FMN1: variants seen among roughly 807,000 people sequenced by gnomAD.
FMN1 encodes the protein formin 1.
In FMN1, 110 loss-of-function variants were observed where a neutral mutation model predicts 132.4. That is an observed-to-expected ratio of 0.83 (90% CI 0.71 to 0.97). The LOEUF (loss-of-function observed/expected upper bound fraction) is 0.97, where lower values mean the gene tolerates loss of function less well. Among genes scored for constraint, FMN1 ranks in the 50% least tolerant of loss-of-function variants. The pLI, the probability that FMN1 is intolerant of heterozygous loss-of-function variation, is 0.00. For synonymous variants in FMN1, 722 were observed against 651.7 expected, an observed-to-expected ratio of 1.11 and a Z score of -1.64; for missense variants, 1,792 against 1,705.3, an observed-to-expected ratio of 1.05 and a Z score of -0.90.
intron 4 of FMN1, among the ~76,000 whole-genome samples, chr15:33,122,455 G>C (rs1470055835): frequency 6.6e-6 from 1 of 152,226 alleles, no homozygotes; most frequent in Non-Finnish European, 1.5e-5. Context: ...GCTTTAGACA[G>C]TACACATTGG....
At chr15:33,131,583 G>C (rs1019308507) in intron 4 of FMN1, among the ~76,000 whole-genome samples, 1 of 152,132 alleles carries the variant, frequency 6.6e-6, no homozygotes, top group African/African-American at 2.4e-5. Context: ...GCAACACCAA[G>C]TGCTTGCTGC....
intron 17 of FMN1, among the ~76,000 whole-genome samples, chr15:32,814,505 C>T (rs2057990609): frequency 6.6e-6 from 1 of 152,132 alleles, no homozygotes; most frequent in African/African-American, 2.4e-5. Context: ...ATCATTCAGA[C>T]AGCAGACACC....
At chr15:33,164,166 G>A (rs1191611951) in intron 3 of FMN1, among the ~76,000 whole-genome samples, 1 of 152,108 alleles carries the variant, frequency 6.6e-6, no homozygotes, top group Non-Finnish European at 1.5e-5. Context: ...GAAATTGAGA[G>A]AGTTTACTTA....
chr15:32,903,115 AT>A (rs1354986441), intron 12 of FMN1, among the ~76,000 whole-genome samples: 1 of 152,164 alleles, frequency 6.6e-6, no homozygotes, highest in Non-Finnish European at 1.5e-5. Flanking sequence ...GTTTTAATTA[AT>A]TTCTAACATC....
intron 4 of FMN1, among the ~76,000 whole-genome samples, chr15:33,100,106 C>T (rs553409367): frequency 6.6e-6 from 1 of 151,852 alleles, no homozygotes; most frequent in African/African-American, 2.4e-5. Context: ...GCTTCTTGGC[C>T]ATTTTAGTTT....
At chr15:32,881,457 G>A (rs759479029) in intron 16 of FMN1, among the ~76,000 whole-genome samples, 4 of 151,966 alleles carry the variant, frequency 2.6e-5, no homozygotes, top group Admixed American at 6.6e-5. Flanking sequence ...TTCTACTATC[G>A]TTCTAGAAAT....
At chr15:33,017,402 C>T (rs2035116072) in intron 6 of FMN1, among the ~76,000 whole-genome samples, 1 of 134,858 alleles carries the variant, frequency 7.4e-6, no homozygotes, top group Admixed American at 7.9e-5. Flanking sequence ...GGTATGTGGG[C>T]GCAGTAGACG....
intron 9 of FMN1, among the ~76,000 whole-genome samples, chr15:32,935,666 C>T (rs1596307278): frequency 6.6e-6 from 1 of 151,150 alleles, no homozygotes; most frequent in South Asian, 2.1e-4. Context: ...CTTGCTCTGT[C>T]ACCCAGGCTG....
intron 4 of FMN1, among the ~76,000 whole-genome samples, chr15:33,099,548 G>C (rs574512301): frequency 2.6e-5 from 4 of 152,302 alleles, no homozygotes; most frequent in African/African-American, 9.6e-5. Context: ...TCATGAAAGA[G>C]AATAGGAAAA....
chr15:33,190,995 C>T (rs112375258), intron 2 of FMN1, among the ~76,000 whole-genome samples: 63 of 152,130 alleles, frequency 4.1e-4, no homozygotes, highest in African/African-American at 1.5e-3. Flanking sequence ...ACGGTGAAAC[C>T]CCATCTCTAC....
intron 7 of FMN1, among the ~76,000 whole-genome samples, chr15:32,995,396 T>A (rs1293587186): frequency 6.6e-6 from 1 of 152,192 alleles, no homozygotes; most frequent in African/African-American, 2.4e-5. Context: ...CCTCCATTAG[T>A]CTCTGCGTAA....
intron 9 of FMN1, among the ~76,000 whole-genome samples, chr15:32,928,697 A>G (rs1403186253): frequency 6.6e-6 from 1 of 151,948 alleles, no homozygotes; most frequent in African/African-American, 2.4e-5. Flanking sequence ...ATACAACCAC[A>G]ACCATGGCAT....
intron 9 of FMN1, among the ~76,000 whole-genome samples, chr15:32,943,275 C>A (rs1205014101): frequency 1.3e-5 from 2 of 152,174 alleles, no homozygotes; most frequent in Non-Finnish European, 2.9e-5. Context: ...GATTGAACAA[C>A]AGCGTGGAGA....
At chr15:32,967,288 A>T (rs1046892560) in intron 8 of FMN1, among the ~76,000 whole-genome samples, 12 of 152,206 alleles carry the variant, frequency 7.9e-5, no homozygotes, top group African/African-American at 2.7e-4. Flanking sequence ...TGTGGTCCAC[A>T]GTTACCTGTT....
intron 6 of FMN1, among the ~76,000 whole-genome samples, chr15:33,033,237 A>G (rs566664977): frequency 1.3e-5 from 2 of 152,146 alleles, no homozygotes; most frequent in East Asian, 1.9e-4. Flanking sequence ...TCACCGTGTT[A>G]GCCAGGATAG....
chr15:33,121,597 T>G (rs1388311753), intron 4 of FMN1, among the ~76,000 whole-genome samples: 1 of 152,182 alleles, frequency 6.6e-6, no homozygotes, highest in East Asian at 1.9e-4. Context: ...GGCGCAATCT[T>G]GGCTCACTGC....
intron 10 of FMN1, among the ~76,000 whole-genome samples, chr15:32,922,708 A>G (rs1234498416): frequency 3.3e-5 from 5 of 152,216 alleles, no homozygotes; most frequent in Non-Finnish European, 7.3e-5. Context: ...GAAAAATTGA[A>G]ATGTCATTGC....
chr15:32,854,580 G>A (rs2059081125), intron 17 of FMN1, among the ~76,000 whole-genome samples: 1 of 152,160 alleles, frequency 6.6e-6, no homozygotes, highest in African/African-American at 2.4e-5. Context: ...TAAAGTAGGA[G>A]CTGATGAGCT....
At chr15:33,067,229 G>T (rs1258593565) in intron 5 of FMN1, 1 of 1,613,220 alleles carries the variant, frequency 6.2e-7, no homozygotes, top group Admixed American at 1.7e-5. Context: ...ACCGTTGCCA[G>T]CTTCCAGTTT....
Sources: allele counts gnomAD v4.1 joint callset (sites outside exome capture counted in the v4.1 genomes callset), GRCh38; gene constraint gnomAD v4.1.1; transcripts MANE v1.5; gene names NCBI Gene and HGNC (gene_info 2026-07-23, HGNC 2026-07-21).